RBFOX1: variants seen among roughly 807,000 people sequenced by gnomAD.
RBFOX1 encodes RNA binding protein fox-1 homolog 1.
Under a neutral mutation model 57.7 loss-of-function variants are expected in RBFOX1, and 8 were observed. The ratio of observed to expected loss-of-function variants is 0.14; its 90% CI spans 0.08 to 0.25. RBFOX1 has a LOEUF of 0.25. Ranked by LOEUF, RBFOX1 falls within the 10% of genes least tolerant of loss-of-function variation. The pLI is 1.00. For synonymous variants in RBFOX1, 326 were observed against 222.4 expected (o/e 1.47, Z -4.15); for missense variants, 611 against 548.5 (o/e 1.11, Z -1.14).
intron 3 of RBFOX1, among the ~76,000 whole-genome samples, chr16:6,826,942 G>C (rs1282453159): frequency 1.3e-5 from 2 of 152,118 alleles, no homozygotes; most frequent in African/African-American, 4.8e-5. Context: ...GCAAATGGAA[G>C]AAATAGGTGA....
intron 1 of RBFOX1, among the ~76,000 whole-genome samples, chr16:5,334,171 G>C (rs1919052): frequency 0.9 from 137,102 of 152,186 alleles, 63,525 homozygotes; most frequent in East Asian, 1. Flanking sequence ...GTTGGAATGT[G>C]TCTGGTCAGA....
At chr16:7,565,514 C>T (rs1431769627) in intron 5 of RBFOX1, among the ~76,000 whole-genome samples, 3 of 152,148 alleles carry the variant, frequency 2.0e-5, no homozygotes, top group African/African-American at 7.2e-5. Context: ...AGAGGGGGAC[C>T]GTGGACCCTG....
chr16:7,185,470 G>A (rs2083532403), intron 4 of RBFOX1, among the ~76,000 whole-genome samples: 1 of 152,148 alleles, frequency 6.6e-6, no homozygotes, highest in Non-Finnish European at 1.5e-5. Context: ...AGAGCTATCT[G>A]GGTCTAGTGC....
intron 4 of RBFOX1, among the ~76,000 whole-genome samples, chr16:7,387,501 C>G (rs1486567286): frequency 6.6e-5 from 10 of 152,140 alleles, no homozygotes; most frequent in Non-Finnish European, 1.0e-4. Flanking sequence ...CTCCCTGGGT[C>G]TCGTTTCTTA....
intron 3 of RBFOX1, among the ~76,000 whole-genome samples, chr16:5,707,347 G>A (rs1475954095): frequency 1.3e-5 from 2 of 152,196 alleles, no homozygotes; most frequent in African/African-American, 2.4e-5. Context: ...TTGTAAGTCA[G>A]TTCTTTAAGA....
At chr16:6,901,064 C>T (rs967934081) in intron 3 of RBFOX1, among the ~76,000 whole-genome samples, 5 of 152,178 alleles carry the variant, frequency 3.3e-5, no homozygotes, top group Non-Finnish European at 7.3e-5. Context: ...ACAGCTTGGC[C>T]ACTGGATACT....
intron 3 of RBFOX1, among the ~76,000 whole-genome samples, chr16:6,999,216 A>ATTTTATTTT (rs2092561977): frequency 2.8e-5 from 3 of 109,032 alleles, no homozygotes; most frequent in Admixed American, 9.6e-5. Flanking sequence ...ATTTTTATTT[A>ATTTTATTTT]TTTTTTTTAT....
chr16:7,471,273 G>A (rs2061507316), intron 4 of RBFOX1, among the ~76,000 whole-genome samples: 1 of 152,084 alleles, frequency 6.6e-6, no homozygotes, highest in Non-Finnish European at 1.5e-5. Flanking sequence ...TTAGCTTTAG[G>A]CTATTTCCAA....
chr16:7,539,544 T>A (rs1270702300), intron 5 of RBFOX1, among the ~76,000 whole-genome samples: 5 of 152,246 alleles, frequency 3.3e-5, no homozygotes, highest in Non-Finnish European at 7.3e-5. Context: ...TGTTTCCTCA[T>A]GTATTTCCCA....
chr16:6,484,153 A>G (rs2095423924), intron 2 of RBFOX1, among the ~76,000 whole-genome samples: 1 of 152,218 alleles, frequency 6.6e-6, no homozygotes, highest in Non-Finnish European at 1.5e-5. Context: ...GCGTTTATTA[A>G]GAACCGATGT....
chr16:6,809,178 TTCTG>T (rs1196926537), intron 3 of RBFOX1, among the ~76,000 whole-genome samples: 1 of 152,198 alleles, frequency 6.6e-6, no homozygotes, highest in Non-Finnish European at 1.5e-5. Flanking sequence ...ATTTCCCTTT[TTCTG>T]TCTATGAATT....
chr16:6,519,209 C>G (rs1465503520), intron 2 of RBFOX1, among the ~76,000 whole-genome samples: 1 of 152,120 alleles, frequency 6.6e-6, no homozygotes, highest in African/African-American at 2.4e-5. Context: ...TTGGTAATAC[C>G]TGCCCTGCCT....
intron 4 of RBFOX1, among the ~76,000 whole-genome samples, chr16:7,317,109 C>G (rs55901565): frequency 0.24 from 36,584 of 151,400 alleles, 4,963 homozygotes; most frequent in African/African-American, 0.36. Context: ...AAGCTGAGGA[C>G]GGGGGTGTCA....
intron 1 of RBFOX1, among the ~76,000 whole-genome samples, chr16:5,331,946 T>C (rs1414557531): frequency 2.6e-5 from 4 of 152,230 alleles, no homozygotes; most frequent in Non-Finnish European, 5.9e-5. Context: ...TCTTATCCCA[T>C]AGTGTCAAGT....
At chr16:7,691,165 G>A (rs2077230687) in intron 14 of RBFOX1, among the ~76,000 whole-genome samples, 1 of 151,928 alleles carries the variant, frequency 6.6e-6, no homozygotes, top group African/African-American at 2.4e-5. Context: ...TACTTAACTG[G>A]TAGCTGTTAA....
chr16:6,865,100 T>G (rs1454171414), intron 3 of RBFOX1, among the ~76,000 whole-genome samples: 1 of 146,236 alleles, frequency 6.8e-6, no homozygotes. Context: ...CCTCCTGGGT[T>G]CAAGCAATTC....
rs187205985 is a variant in RBFOX1 at position 6,695,000 on chromosome 16, T to G, written c.-16+40350T>G. ...TAGGTGAAGGGAAAAAAATGACACA[T>G]AGACATTCTAAAAGCTGCATTTCAT... On this transcript the variant is annotated intron_variant, in intron 3 of 15. Coordinates refer to ENST00000550418, the MANE Select transcript of RBFOX1 (RefSeq NM_018723.4). Among the ~76,000 whole-genome samples the G allele has an allele frequency of 3.2e-3, 485 of 152,056 alleles. 1 individual carries two copies. The highest frequency in any genetic ancestry group is 0.011 in the African/African-American group (437 of 41,452).
At chr16:5,614,546 A>G (rs763336464) in intron 3 of RBFOX1, among the ~76,000 whole-genome samples, 1 of 152,002 alleles carries the variant, frequency 6.6e-6, no homozygotes, top group Non-Finnish European at 1.5e-5. Context: ...ACTCCCTGGG[A>G]CTTTGATGTT....
At chr16:6,836,466 C>G (rs561561774) in intron 3 of RBFOX1, among the ~76,000 whole-genome samples, 2 of 152,318 alleles carry the variant, frequency 1.3e-5, no homozygotes, top group East Asian at 1.9e-4. Context: ...TAGCTCTGTG[C>G]AGAGGTATCT....
Sources: allele counts gnomAD v4.1 joint callset (sites outside exome capture counted in the v4.1 genomes callset), GRCh38; gene constraint gnomAD v4.1.1; transcripts MANE v1.5; gene names NCBI Gene and HGNC (gene_info 2026-07-23, HGNC 2026-07-21).